The following NBEAL1 variants were observed in gnomAD, a reference collection of about 807,000 sequenced individuals.
NBEAL1 encodes the protein neurobeachin like 1.
A neutral mutation model predicts 351.3 loss-of-function variants in NBEAL1; 273 were observed. The observed-to-expected ratio is 0.78, with a 90% CI of 0.70 to 0.86. NBEAL1 has a LOEUF of 0.86. Ranked by LOEUF, NBEAL1 falls within the 40% of genes least tolerant of loss-of-function variation. The pLI, the probability that NBEAL1 is intolerant of heterozygous loss-of-function variation, is 0.00. For synonymous variants in NBEAL1, 1,050 were observed against 1,086.4 expected (o/e 0.97, Z 0.66); for missense variants, 2,961 against 3,201.3 (o/e 0.92, Z 1.81).
intron 34 of NBEAL1, among the ~76,000 whole-genome samples, chr2:203,151,045 A>G (rs1458872682): frequency 6.6e-6 from 1 of 152,228 alleles, no homozygotes. Flanking sequence ...AAATGGTGCT[A>G]AATAGGCTGG....
intron 6 of NBEAL1, among the ~76,000 whole-genome samples, chr2:203,065,555 A>G (rs1344256126): frequency 6.6e-6 from 1 of 152,128 alleles, no homozygotes; most frequent in Non-Finnish European, 1.5e-5. Context: ...GATTGAGACC[A>G]TCCTGGCTAA....
At chr2:203,152,511 A>G (rs1238237721) in intron 35 of NBEAL1, among the ~76,000 whole-genome samples, 1 of 150,698 alleles carries the variant, frequency 6.6e-6, no homozygotes, top group African/African-American at 2.4e-5. Context: ...AATTGCTTGA[A>G]CCCGGGAGGC....
At chr2:203,100,692 G>A (rs1274041973) in intron 12 of NBEAL1, among the ~76,000 whole-genome samples, 1 of 151,812 alleles carries the variant, frequency 6.6e-6, no homozygotes, top group Non-Finnish European at 1.5e-5. Flanking sequence ...GATTACAGGT[G>A]TGCACCACCA....
In NBEAL1 at chr2:203,135,835, T is replaced by TA. The variant is rs1392050278; in HGVS notation, c.3977dup (p.Asn1326LysfsTer5). 1 of 1,613,866 alleles carries TA rather than the reference T, an allele frequency of 6.2e-7. No individual in the cohort carries two copies. The highest frequency in any genetic ancestry group is 8.5e-7 in the Non-Finnish European group (1 of 1,179,934). Reference sequence around the variant, plus strand: ...GAGCTGTTTTAATGAAAGACAATGATAAAAATATGTCAACTGAAGATACCA... The same window carrying TA: ...GAGCTGTTTTAATGAAAGACAATGATAAAAAATATGTCAACTGAAGATACCA... On this transcript the variant is annotated frameshift_variant, in exon 28 of 56. Transcript: ENST00000683969. LOFTEE classifies it high-confidence loss of function.
chr2:203,197,355 T>A lies in NBEAL1; in HGVS notation c.7092T>A (p.Tyr2364Ter). 6.2e-7 allele frequency: 1 copy of A among 1,604,806 alleles called. No homozygotes were observed. Among genetic ancestry groups the A allele is most frequent in the Non-Finnish European group, 8.5e-7 (1 of 1,171,486 alleles). The change falls in exon 48 of 56, where the codon TAT (tyrosine) becomes TAA (stop). Residue 2364 changes from tyrosine (Y) to a stop codon, truncating the protein, a stop_gained. Coordinates refer to ENST00000683969, the MANE Select transcript of NBEAL1 (RefSeq NM_001378026.1). LOFTEE classifies it high-confidence loss of function. ...LLKATIPKNQ[Y>*]RSFMSQGSPE... ...AGGCCACCATCCCCAAAAATCAGTA[T>A]CGTTCTTTTATGTCTCAAGGCAGCC...
intron 10 of NBEAL1, among the ~76,000 whole-genome samples, chr2:203,089,308 G>A (rs1401041656): frequency 1.3e-5 from 2 of 150,690 alleles, no homozygotes; most frequent in East Asian, 3.9e-4. Flanking sequence ...GCAGTGAGCC[G>A]AGATCACCCC....
At position 203,199,324 on chromosome 2, in the gene NBEAL1, A is replaced by G. The variant is rs970895894; in HGVS notation, c.7129-14A>G. ...TATTTCATTTAATTTGAGTCTTCAT[A>G]TGTTCTTTTCCAGATAACAATAAGC... On this transcript the variant is annotated splice_polypyrimidine_tract_variant and intron_variant, in intron 48 of 55. Transcript: ENST00000683969. 2.1e-6 allele frequency: 3 copies of G among 1,430,248 alleles called. No individual in the cohort carries two copies. Among genetic ancestry groups the G allele is most frequent in the East Asian group, 4.6e-5 (2 of 43,864 alleles). 88.6% of individuals were successfully genotyped at this position (1,430,248 alleles called of 1,614,324 possible).
intron 27 of NBEAL1, 21 bp downstream of exon 27, chr2:203,133,167 T>C (rs1275223446): frequency 2.7e-6 from 3 of 1,125,472 alleles, no homozygotes; most frequent in East Asian, 2.7e-5. Context: ...TCTTAAGATA[T>C]ATTTTAATGA....
At chr2:203,136,920 CT>C (rs1203967004) in intron 29 of NBEAL1, 146 bp downstream of exon 29, 1 of 690,238 alleles carries the variant, frequency 1.4e-6, no homozygotes, top group African/African-American at 1.8e-5. Context: ...CTTTTCCTAT[CT>C]TTTGCCGTAT....
intron 25 of NBEAL1, among the ~76,000 whole-genome samples, chr2:203,130,963 A>G (rs1254003264): frequency 6.6e-6 from 1 of 152,200 alleles, no homozygotes; most frequent in African/African-American, 2.4e-5. Context: ...TTGCTTCACA[A>G]ATGTTTACTT....
chr2:203,106,037 G>A (rs2062430201), intron 12 of NBEAL1, among the ~76,000 whole-genome samples: 1 of 152,098 alleles, frequency 6.6e-6, no homozygotes, highest in South Asian at 2.1e-4. Context: ...TGGAAATTCT[G>A]CTTCTTGTAT....
Position 203,126,009 on chromosome 2 carries a change from A to AC in NBEAL1, c.2902dup (p.His968ProfsTer37). On this transcript the variant is annotated frameshift_variant, in exon 21 of 56. Coordinates refer to ENST00000683969, the MANE Select transcript of NBEAL1 (RefSeq NM_001378026.1). LOFTEE classifies it high-confidence loss of function. ...TTGCAACATTTATCTTAATTGTGAA[A>AC]CATTTTATTCAGAGACATCCTATCA... The AC allele has an allele frequency of 6.5e-7, 1 of 1,545,074 alleles. No individual in the cohort carries two copies. The highest frequency in any genetic ancestry group is 8.7e-7 in the Non-Finnish European group (1 of 1,144,292).
chr2:203,036,996 C>T (rs1489523618), intron 2 of NBEAL1, among the ~76,000 whole-genome samples: 2 of 149,110 alleles, frequency 1.3e-5, no homozygotes, highest in Non-Finnish European at 3.0e-5. Context: ...ATAAATGAAT[C>T]ACATTCTAGT....
chr2:203,080,876 A>G lies in NBEAL1; in HGVS notation c.685-2343A>G, dbSNP rs540710105. Among the ~76,000 whole-genome samples the G allele has an allele frequency of 4.2e-4, 64 of 152,342 alleles. 1 individual carries two copies. In the South Asian group the frequency reaches 0.013, roughly 31 times the overall value. ...GTGAAAAAATGATTAAGTATACAGG[A>G]ATAAAAATGGAAGTGGCATTGTTAT... is the stretch of plus-strand genomic sequence containing the variant. On this transcript the variant is annotated intron_variant, in intron 8 of 55. Coordinates refer to ENST00000683969, the MANE Select transcript of NBEAL1 (RefSeq NM_001378026.1).
chr2:203,176,462 C>T (rs974874500), intron 42 of NBEAL1, among the ~76,000 whole-genome samples: 1 of 152,094 alleles, frequency 6.6e-6, no homozygotes, highest in Non-Finnish European at 1.5e-5. Context: ...TGGCAGTTCA[C>T]ACCTCTAATC....
chr2:203,178,267 C>T (rs994971437), intron 42 of NBEAL1, among the ~76,000 whole-genome samples: 4 of 151,180 alleles, frequency 2.6e-5, no homozygotes, highest in Admixed American at 1.3e-4. Context: ...TAGGCTCAAG[C>T]GATTCTCCTG....
chr2:203,184,073 C>CT (rs1490032385), intron 44 of NBEAL1, among the ~76,000 whole-genome samples: 5 of 89,026 alleles, frequency 5.6e-5, no homozygotes, highest in African/African-American at 2.3e-4. Flanking sequence ...GCGAGACTGT[C>CT]TAAAAAAAAA....
intron 24 of NBEAL1, among the ~76,000 whole-genome samples, chr2:203,129,988 C>T (rs1173709183): frequency 6.6e-6 from 1 of 152,036 alleles, no homozygotes; most frequent in Non-Finnish European, 1.5e-5. Context: ...ATGACGAAAC[C>T]CCATTCCTAC....
chr2:203,041,879 A>G (rs2061147799), intron 3 of NBEAL1, 23 bp downstream of exon 3: 1 of 1,485,206 alleles, frequency 6.7e-7, no homozygotes, highest in Admixed American at 2.0e-5. Context: ...GCTAATTTGT[A>G]ACCCCTGGAT....
Sources: gnomAD v4.1 joint callset for allele counts (sites outside exome capture counted in the v4.1 genomes callset) on GRCh38, gnomAD v4.1.1 for gene constraint, MANE v1.5 for transcripts, NCBI Gene and HGNC (gene_info 2026-07-23, HGNC 2026-07-21) for gene names.